The following P4HA2 variants were observed in gnomAD, a reference collection of about 807,000 sequenced individuals.
The protein encoded by P4HA2 is prolyl 4-hydroxylase subunit alpha-2.
Under a neutral mutation model 76.9 loss-of-function variants are expected in P4HA2, and 46 were observed. The ratio of observed to expected loss-of-function variants is 0.60; its 90% CI spans 0.47 to 0.76. P4HA2 has a LOEUF of 0.76. Among genes scored for constraint, P4HA2 ranks in the 30% least tolerant of loss-of-function variants. The pLI is 0.00. For synonymous variants in P4HA2, 243 were observed against 254.0 expected, an observed-to-expected ratio of 0.96 and a Z score of 0.41; for missense variants, 583 against 669.4, an observed-to-expected ratio of 0.87 and a Z score of 1.42.
At position 132,194,342 on chromosome 5, in the gene P4HA2, G is replaced by A. The variant is rs912366394; in HGVS notation, c.1531+584C>T. 3.7e-4 allele frequency among the ~76,000 whole-genome samples: 56 copies of A among 152,122 alleles called. 1 individual carries two copies. The South Asian group carries it at 0.011, about 30-fold the overall frequency. On this transcript the variant is annotated intron_variant, in intron 14 of 14. Transcript: ENST00000360568. ...TATTTATCTTCAAAACTCTCCAAGG[G>A]GGCTACACACTCATCTCCTTACAAA...
At chr5:132,219,688 CA>C (rs1754392245) in intron 1 of P4HA2, among the ~76,000 whole-genome samples, 1 of 152,108 alleles carries the variant, frequency 6.6e-6, no homozygotes, top group Non-Finnish European at 1.5e-5. Flanking sequence ...ACAAAGCAAG[CA>C]AAACAAAGGA....
intron 10 of P4HA2, chr5:132,200,950 G>A (rs1291489185): frequency 6.6e-6 from 1 of 152,204 alleles, no homozygotes; most frequent in Non-Finnish European, 1.5e-5. Context: ...TCCCAAATAA[G>A]TACAAAATGC....
At chr5:132,222,096 G>C (rs1408134240) in intron 1 of P4HA2, 2 of 152,280 alleles carry the variant, frequency 1.3e-5, no homozygotes, top group Non-Finnish European at 2.9e-5. Context: ...AAATGCAACA[G>C]CCTGAGTTTT....
chr5:132,200,163 C>T (rs115026096), intron 10 of P4HA2: 2,001 of 152,442 alleles, frequency 0.013, 26 homozygotes, highest in Non-Finnish European at 0.02. Flanking sequence ...GACTGTGCCA[C>T]TGCACTCCAG....
Position 132,193,000 on chromosome 5 carries a change from G to C in P4HA2, c.*10C>G. The C allele has an allele frequency of 6.3e-7, 1 of 1,588,240 alleles. No individual in the cohort carries two copies. The highest frequency in any genetic ancestry group is 8.6e-7 in the Non-Finnish European group (1 of 1,156,342). On this transcript the variant is annotated 3_prime_UTR_variant, in exon 15 of 15. Coordinates refer to ENST00000360568, the MANE Select transcript of P4HA2 (RefSeq NM_001017974.2). The stretch of plus-strand genomic sequence containing the variant: ...TGAAGGACCAGGAAGGGGAAGGACA[G>C]AAAAGGATGTCAGTCAACTTCTGTT...
intron 1 of P4HA2, among the ~76,000 whole-genome samples, chr5:132,226,399 G>C (rs1222062648): frequency 2.0e-5 from 3 of 152,186 alleles, no homozygotes; most frequent in African/African-American, 7.2e-5. Flanking sequence ...CAAATCTCGG[G>C]TGTCACTCTA....
intron 11 of P4HA2, among the ~76,000 whole-genome samples, chr5:132,198,588 C>G (rs950514507): frequency 1.2e-4 from 19 of 152,162 alleles, no homozygotes; most frequent in Middle Eastern, 3.2e-3. Flanking sequence ...TCACAAAGAC[C>G]TAGTGAGGCT....
chr5:132,198,215 G>T, intron 12 of P4HA2, 106 bp downstream of exon 12: 1 of 1,614,148 alleles, frequency 6.2e-7, no homozygotes, highest in Non-Finnish European at 8.5e-7. Flanking sequence ...CGTAGTTTAA[G>T]AAAGTAGCCA....
At position 132,193,080 on chromosome 5, in the gene P4HA2, A is replaced by G; in HGVS notation, c.1532T>C (p.Val511Ala). 6.2e-7 allele frequency: 1 copy of G among 1,610,358 alleles called. No individual in the cohort carries two copies. The highest frequency in any genetic ancestry group is 1.1e-5 in the South Asian group (1 of 90,992). Residue 511 changes from valine to alanine, a missense_variant and splice_region_variant, in exon 15 of 15, where the codon GTC (valine) becomes GCC (alanine). Transcript: ENST00000360568. ...ACPVLVGCKWVSNKWFHERGQ... is the reference protein window; with the variant it reads ...ACPVLVGCKWASNKWFHERGQ... ...TCGTTCATGGAACCACTTATTGGAG[A>G]CTGTGAAAAGAAAGCAAGCATGTTA...
At chr5:132,210,159 A>T in intron 6 of P4HA2, 125 bp downstream of exon 6, 1 of 1,049,278 alleles carries the variant, frequency 9.5e-7, no homozygotes, top group Non-Finnish European at 1.4e-6. Context: ...GTAAGGCATT[A>T]GTCACTGGCC....
intron 10 of P4HA2, chr5:132,199,805 A>T (rs1561468099): frequency 6.6e-6 from 1 of 152,270 alleles, no homozygotes; most frequent in Admixed American, 6.5e-5. Flanking sequence ...GGGCTAGGCC[A>T]TAAGTTCTCA....
Position 132,209,138 on chromosome 5 carries a change from C to A in P4HA2, c.903G>T (p.Leu301=). 1 of 1,610,474 alleles carries A rather than the reference C, an allele frequency of 6.2e-7. No individual in the cohort carries two copies. Among genetic ancestry groups the A allele is most frequent in the Non-Finnish European group, 8.5e-7 (1 of 1,178,076 alleles). ...ACCCTAGCCCCCTCACACATCTCAC[C>A]AGTTTGACACCCTCCCCACGACAGA... ...ESLCRGEGVK[L]TPRRQKRLFC... is the part of the protein sequence containing the mutation. The change falls in exon 7 of 15, where the codon CTG becomes CTT. Residue 301 remains leucine (L), a splice_region_variant and synonymous_variant. Coordinates refer to ENST00000360568, the MANE Select transcript of P4HA2 (RefSeq NM_001017974.2).
intron 4 of P4HA2, among the ~76,000 whole-genome samples, chr5:132,215,450 C>G (rs545929971): frequency 1.3e-5 from 2 of 152,302 alleles, no homozygotes; most frequent in African/African-American, 4.8e-5. Context: ...ACAGCCTGTC[C>G]CGAGCTGCAG....
chr5:132,218,645 C>A lies in P4HA2; in HGVS notation c.-18-1G>T, dbSNP rs754076497. ...GTTTCATGGTCACAGAGGGAAGTGT[C>A]TGAAAGGCATTCAATGACAATCACT... is the stretch of plus-strand genomic sequence containing the variant. On this transcript the variant is annotated splice_acceptor_variant, in intron 1 of 14. Coordinates refer to ENST00000360568, the MANE Select transcript of P4HA2 (RefSeq NM_001017974.2). LOFTEE classifies it low-confidence loss of function (5UTR_SPLICE). 6.3e-7 allele frequency: 1 copy of A among 1,587,176 alleles called. No homozygotes were observed. Among genetic ancestry groups the A allele is most frequent in the South Asian group, 1.1e-5 (1 of 90,500 alleles).
At chr5:132,197,573 A>C (rs1214076871) in intron 12 of P4HA2, among the ~76,000 whole-genome samples, 2 of 144,332 alleles carry the variant, frequency 1.4e-5, no homozygotes, top group East Asian at 4.0e-4. Flanking sequence ...CCACCACTGC[A>C]CTCCAGTCTG....
At chr5:132,195,239 T>C (rs1040896651) in intron 13 of P4HA2, 173 bp downstream of exon 13, 5 of 651,354 alleles carry the variant, frequency 7.7e-6, no homozygotes, top group African/African-American at 7.2e-5. Flanking sequence ...TGAAGGGACT[T>C]CCCTCCCTGT....
Position 132,198,262 on chromosome 5 carries a change from G to A in P4HA2, c.1365+59C>T, listed in dbSNP as rs778227188. The A allele has an allele frequency of 7.4e-6, 12 of 1,614,032 alleles. No individual in the cohort carries two copies. Among genetic ancestry groups the A allele is most frequent in the East Asian group, 2.2e-5 (1 of 44,898 alleles). On this transcript the variant is annotated intron_variant, in intron 12 of 14. Transcript: ENST00000360568. ...GTCCCTAAATGCTTGAAAGTATCTC[G>A]CTCATCATTCTACAAAATTAAGTGA...
chr5:132,198,602 T>G (rs1751034412), intron 11 of P4HA2, among the ~76,000 whole-genome samples: 1 of 152,212 alleles, frequency 6.6e-6, no homozygotes, highest in African/African-American at 2.4e-5. Context: ...TGAGGCTCTT[T>G]GCTTTAGAAT....
rs1561472111 is a variant in P4HA2 at position 132,203,448 on chromosome 5, G to A, written c.1251+300C>T. Reference sequence around the variant, plus strand: ...TTAGAGATGTCCCTGAGACCATTCAGGATTTGAGCTTCTGTTGTCAAGAAG... The same window carrying A: ...TTAGAGATGTCCCTGAGACCATTCAAGATTTGAGCTTCTGTTGTCAAGAAG... On this transcript the variant is annotated intron_variant, in intron 10 of 14. Transcript: ENST00000360568. 5 of 385,160 alleles carry A rather than the reference G, an allele frequency of 1.3e-5. No individual in the cohort carries two copies. In the East Asian group the frequency reaches 2.5e-4, roughly 19 times the overall value. 23.9% of individuals were successfully genotyped at this position (385,160 alleles called of 1,614,324 possible).
Sources: gnomAD v4.1 joint callset for allele counts (sites outside exome capture counted in the v4.1 genomes callset) on GRCh38, gnomAD v4.1.1 for gene constraint, MANE v1.5 for transcripts, NCBI Gene and HGNC (gene_info 2026-07-23, HGNC 2026-07-21) for gene names.